VPS13B: variants seen among roughly 807,000 people sequenced by gnomAD.
VPS13B encodes the protein vacuolar protein sorting 13 homolog B.
Under a neutral mutation model 426.4 loss-of-function variants are expected in VPS13B, and 285 were observed. The ratio of observed to expected loss-of-function variants is 0.67; its 90% CI spans 0.61 to 0.74. The LOEUF (loss-of-function observed/expected upper bound fraction) is 0.74. Among genes scored for constraint, VPS13B ranks in the 30% least tolerant of loss-of-function variants. The pLI is 0.00. For synonymous variants in VPS13B, 1,676 were observed against 1,676.4 expected (o/e 1.00, Z 0.01); for missense variants, 4,537 against 4,782.6 (o/e 0.95, Z 1.51).
chr8:99,697,167 G>A (rs774546694), intron 35 of VPS13B: 2 of 545,484 alleles, frequency 3.7e-6, no homozygotes, highest in Non-Finnish European at 3.4e-6. Context: ...TGTGGCAAAG[G>A]AAGAGCAGGT....
chr8:99,624,556 C>T (rs535840713), intron 33 of VPS13B, among the ~76,000 whole-genome samples: 1 of 152,238 alleles, frequency 6.6e-6, no homozygotes, highest in African/African-American at 2.4e-5. Context: ...TTGTGAACTA[C>T]ATTATCAAAA....
chr8:99,530,303 A>G (rs1200219382), intron 30 of VPS13B, among the ~76,000 whole-genome samples: 1 of 152,102 alleles, frequency 6.6e-6, no homozygotes, highest in Non-Finnish European at 1.5e-5. Flanking sequence ...ATGCAATTAT[A>G]ATATAATAAT....
At chr8:99,435,411 A>G (rs1450706424) in intron 22 of VPS13B, among the ~76,000 whole-genome samples, 1 of 152,144 alleles carries the variant, frequency 6.6e-6, no homozygotes, top group African/African-American at 2.4e-5. Flanking sequence ...GAAAGATAGT[A>G]TTGGATTACA....
At chr8:99,774,385 A>G (rs553150327) in intron 40 of VPS13B, among the ~76,000 whole-genome samples, 4 of 152,286 alleles carry the variant, frequency 2.6e-5, no homozygotes, top group Admixed American at 2.6e-4. Context: ...ATGTCTAACC[A>G]TTGCTTTGTG....
At chr8:99,314,211 C>T (rs1821181493) in intron 19 of VPS13B, among the ~76,000 whole-genome samples, 1 of 152,056 alleles carries the variant, frequency 6.6e-6, no homozygotes, top group Non-Finnish European at 1.5e-5. Flanking sequence ...GTGAGATGAA[C>T]CCGGTACCTC....
At chr8:99,160,371 A>C (rs1345145197) in intron 15 of VPS13B, among the ~76,000 whole-genome samples, 1 of 152,182 alleles carries the variant, frequency 6.6e-6, no homozygotes, top group African/African-American at 2.4e-5. Context: ...TTTAAGAATC[A>C]GTACTGGCTG....
intron 39 of VPS13B, among the ~76,000 whole-genome samples, chr8:99,725,567 C>G (rs1316722105): frequency 6.6e-6 from 1 of 152,156 alleles, no homozygotes; most frequent in Non-Finnish European, 1.5e-5. Context: ...AAACCGGTCC[C>G]TGGTGCCAAA....
chr8:99,823,932 T>C lies in VPS13B; in HGVS notation c.9284T>C (p.Phe3095Ser). The change falls in exon 51 of 62, where the codon TTT becomes TCT. Residue 3095 changes from phenylalanine (F) to serine (S), a missense_variant. By Grantham distance (155) the Phe-to-Ser change is radical. This residue lies in a region of VPS13B where 4,311 missense variants were observed against 4,474.3 expected (regional missense o/e 0.96). Coordinates refer to ENST00000357162, the MANE Select transcript of VPS13B (RefSeq NM_152564.5). Reference sequence around the variant, plus strand: ...ATCAATAATACACCATATCAAATATTTTATAAACCACAGCTATCTGTCTGC... The same window carrying C: ...ATCAATAATACACCATATCAAATATCTTATAAACCACAGCTATCTGTCTGC... Reference protein sequence around the residue: ...TIINNTPYQIFYKPQLSVCNP... With the variant: ...TIINNTPYQISYKPQLSVCNP... The C allele has an allele frequency of 1.9e-6, 3 of 1,613,414 alleles. No homozygotes were observed. Among genetic ancestry groups the C allele is most frequent in the Non-Finnish European group, 2.5e-6 (3 of 1,179,874 alleles).
rs563736143 is a variant in VPS13B at position 99,518,086 on chromosome 8, G to A, written c.4634-2813G>A. Among the ~76,000 whole-genome samples the A allele has an allele frequency of 5.3e-5, 8 of 151,878 alleles. No individual in the cohort carries two copies. The South Asian group carries it at 1.7e-3, about 32-fold the overall frequency. ...ACTGAGAACACTTTTGGCCCTAACA[G>A]AAACAGAATTCTGTTCTTGGATCTG... is the stretch of plus-strand genomic sequence containing the variant. On this transcript the variant is annotated intron_variant, in intron 29 of 61. Transcript: ENST00000357162.
At chr8:99,169,361 T>C (rs1169281867) in intron 15 of VPS13B, among the ~76,000 whole-genome samples, 8 of 152,066 alleles carry the variant, frequency 5.3e-5, no homozygotes, top group Admixed American at 2.6e-4. Flanking sequence ...TTCTTTCTAT[T>C]ATGACAAATA....
intron 30 of VPS13B, among the ~76,000 whole-genome samples, chr8:99,540,070 T>A (rs1823530830): frequency 2.0e-5 from 1 of 50,940 alleles, no homozygotes; most frequent in African/African-American, 1.0e-4. Context: ...TATATTTTTT[T>A]TTTTTTTTTT....
At chr8:99,262,763 G>T (rs2132954694) in intron 17 of VPS13B, among the ~76,000 whole-genome samples, 1 of 142,232 alleles carries the variant, frequency 7.0e-6, no homozygotes, top group African/African-American at 2.8e-5. Flanking sequence ...GAATGTTTTG[G>T]ATGGTCTGTT....
At chr8:99,372,243 C>G (rs902103720) in intron 19 of VPS13B, among the ~76,000 whole-genome samples, 2 of 142,558 alleles carry the variant, frequency 1.4e-5, no homozygotes, top group African/African-American at 5.3e-5. Flanking sequence ...CAGCGAGACT[C>G]CGTCTCAAAA....
At chr8:99,157,632 T>G (rs1811431585) in intron 15 of VPS13B, among the ~76,000 whole-genome samples, 2 of 152,324 alleles carry the variant, frequency 1.3e-5, no homozygotes, top group South Asian at 4.1e-4. Context: ...AGCCCTACAA[T>G]GGCCTGTAAA....
intron 17 of VPS13B, among the ~76,000 whole-genome samples, chr8:99,252,910 G>T (rs546000890): frequency 6.6e-5 from 10 of 152,134 alleles, no homozygotes; most frequent in African/African-American, 2.4e-4. Context: ...TCATATAGCT[G>T]TGCAGCTTTC....
At chr8:99,510,629 A>G (rs182112426) in intron 28 of VPS13B, among the ~76,000 whole-genome samples, 216 of 152,244 alleles carry the variant, frequency 1.4e-3, no homozygotes, top group African/African-American at 5.0e-3. Context: ...CAGCCTCCCA[A>G]GCAACTGGGA....
intron 39 of VPS13B, among the ~76,000 whole-genome samples, chr8:99,737,006 C>G (rs1833859851): frequency 6.8e-6 from 1 of 146,192 alleles, no homozygotes; most frequent in Non-Finnish European, 1.5e-5. Flanking sequence ...ATTGAACCTA[C>G]AACTCTTAAC....
chr8:99,167,306 C>A (rs1297345745), intron 15 of VPS13B, among the ~76,000 whole-genome samples: 1 of 152,000 alleles, frequency 6.6e-6, no homozygotes. Flanking sequence ...TGTATTATTG[C>A]ATACATACCA....
At chr8:99,622,369 A>G (rs1828398486) in intron 33 of VPS13B, among the ~76,000 whole-genome samples, 1 of 152,178 alleles carries the variant, frequency 6.6e-6, no homozygotes, top group Non-Finnish European at 1.5e-5. Context: ...GAGATATTTT[A>G]TTCTTGAATC....
Sources: allele counts gnomAD v4.1 joint callset (sites outside exome capture counted in the v4.1 genomes callset), GRCh38; gene constraint gnomAD v4.1.1; regional missense constraint gnomAD v4.1.1; transcripts MANE v1.5; gene names NCBI Gene and HGNC (gene_info 2026-07-23, HGNC 2026-07-21).